Variants in EMP2 observed in about 807,000 individuals in gnomAD.
EMP2 encodes the protein epithelial membrane protein 2.
In EMP2, 19 loss-of-function variants were observed where a neutral mutation model predicts 13.7. The observed-to-expected ratio is 1.38, with a 90% CI of 0.97 to 2.03. EMP2 has a LOEUF of 2.03. EMP2 is among the 30% of genes most tolerant of loss of function. The pLI, the probability that EMP2 is intolerant of heterozygous loss-of-function variation, is 0.00. For synonymous variants in EMP2, 97 were observed against 84.7 expected (o/e 1.15, Z -0.80); for missense variants, 253 against 220.7 (o/e 1.15, Z -0.93).
chr16:10,552,321 C>G (rs2050794538), intron 1 of EMP2, among the ~76,000 whole-genome samples: 1 of 152,084 alleles, frequency 6.6e-6, no homozygotes, highest in Admixed American at 6.6e-5. Flanking sequence ...GTAACTAAAA[C>G]TTTCTAGAAA....
At chr16:10,541,608 C>T (rs1026809454) in intron 3 of EMP2, among the ~76,000 whole-genome samples, 2 of 152,188 alleles carry the variant, frequency 1.3e-5, no homozygotes, top group African/African-American at 4.8e-5. Flanking sequence ...GCCTTGCACA[C>T]TGGCGACAGC....
intron 1 of EMP2, among the ~76,000 whole-genome samples, chr16:10,551,489 C>A (rs1284312520): frequency 6.6e-6 from 1 of 152,212 alleles, no homozygotes; most frequent in Non-Finnish European, 1.5e-5. Flanking sequence ...TCACTGCAAC[C>A]TCTGCCTCCC....
chr16:10,568,785 T>TC (rs1392506225), intron 1 of EMP2, among the ~76,000 whole-genome samples: 7 of 121,228 alleles, frequency 5.8e-5, no homozygotes, highest in Non-Finnish European at 1.1e-4. Context: ...ATTTTCTTTT[T>TC]TTTTTTTTTT....
At chr16:10,554,078 C>A (rs902308983) in intron 1 of EMP2, among the ~76,000 whole-genome samples, 2 of 149,522 alleles carry the variant, frequency 1.3e-5, no homozygotes, top group South Asian at 2.1e-4. Context: ...GTCACCCAGG[C>A]TGGAGTGCAG....
rs559868479 is a variant in EMP2 at position 10,543,739 on chromosome 16, T to C, written c.79-79A>G. ...CTGACTGCTAATTAGGCACGAGGCATGGTGGGCTTCCAGGATTCTCAAACT... is the reference window on the plus strand; with the variant it reads ...CTGACTGCTAATTAGGCACGAGGCACGGTGGGCTTCCAGGATTCTCAAACT... On this transcript the variant is annotated intron_variant, in intron 2 of 4. Coordinates refer to ENST00000359543, the MANE Select transcript of EMP2 (RefSeq NM_001424.6). 3 of 1,378,834 alleles carry C rather than the reference T, an allele frequency of 2.2e-6. No homozygotes were observed. In the South Asian group the frequency reaches 3.5e-5, roughly 16 times the overall value. The allele number at this position is 1,378,834 out of a possible 1,614,324, so 85.4% of individuals were successfully genotyped here.
Position 10,547,274 on chromosome 16 carries a change from C to T in EMP2, c.78+266G>A, listed in dbSNP as rs868399897. The T allele has an allele frequency of 8.3e-5, 32 of 387,752 alleles. No individual in the cohort carries two copies. In the Middle Eastern group the frequency reaches 2.2e-3, roughly 27 times the overall value. The allele number at this position is 387,752 out of a possible 1,614,324, so 24.0% of individuals were successfully genotyped here. ...TTCTTGTGGTAGTGAATAAGTCTCA[C>T]GAGATCTGACGGTTTTATAAAGGGC... On this transcript the variant is annotated intron_variant, in intron 2 of 4. Transcript: ENST00000359543.
chr16:10,553,963 C>G lies in EMP2; in HGVS notation c.-60-6286G>C, dbSNP rs146385850. 6.6e-4 allele frequency among the ~76,000 whole-genome samples: 101 copies of G among 152,164 alleles called. 2 individuals are homozygous for G. The East Asian group carries it at 6.9e-3, about 10-fold the overall frequency. ...AACTTACTGCCATGTATACTGGACA[C>G]TGTTCATACTGTGTCAGCCCTGATC... On this transcript the variant is annotated intron_variant, in intron 1 of 4. Coordinates refer to ENST00000359543, the MANE Select transcript of EMP2 (RefSeq NM_001424.6).
intron 1 of EMP2, chr16:10,576,806 C>T (rs1184155086): frequency 6.6e-6 from 1 of 152,226 alleles, no homozygotes; most frequent in Non-Finnish European, 1.5e-5. Flanking sequence ...AGTGTCTCTG[C>T]ACGGGAAGGA....
chr16:10,537,867 CT>C (rs2050661183), intron 4 of EMP2, 60 bp downstream of exon 4: 1 of 1,587,436 alleles, frequency 6.3e-7, no homozygotes, highest in African/African-American at 1.3e-5. Flanking sequence ...CTCCTGGCGG[CT>C]GGGAAGGGAG....
At chr16:10,539,201 G>T (rs370541356) in intron 3 of EMP2, among the ~76,000 whole-genome samples, 1 of 152,064 alleles carries the variant, frequency 6.6e-6, no homozygotes, top group African/African-American at 2.4e-5. Context: ...AGGGGACAGC[G>T]TCCACGCTGC....
At chr16:10,564,137 G>A (rs561052604) in intron 1 of EMP2, among the ~76,000 whole-genome samples, 2 of 152,332 alleles carry the variant, frequency 1.3e-5, no homozygotes, top group South Asian at 4.1e-4. Flanking sequence ...TAGGAAAAGT[G>A]AGGCATCAGG....
At chr16:10,544,076 A>G (rs1398345744) in intron 2 of EMP2, 2 of 172,570 alleles carry the variant, frequency 1.2e-5, no homozygotes, top group African/African-American at 2.4e-5. Flanking sequence ...CTAGTCTTGA[A>G]CTCCTGACCT....
intron 3 of EMP2, among the ~76,000 whole-genome samples, chr16:10,538,599 C>G (rs958976905): frequency 2.0e-5 from 3 of 152,048 alleles, no homozygotes; most frequent in Non-Finnish European, 2.9e-5. Flanking sequence ...GAGGAAAGCT[C>G]CTTTCTTTTC....
rs2050576548 is a variant in EMP2, at chr16:10,528,990, G to T, written c.*3915C>A. 2 of 151,980 alleles carry T rather than the reference G, an allele frequency of 1.3e-5. No individual in the cohort carries two copies. Among genetic ancestry groups the T allele is most frequent in the Non-Finnish European group, 2.9e-5 (2 of 68,030 alleles). 9.4% of individuals were successfully genotyped at this position (151,980 alleles called of 1,614,324 possible). ...AAACTATAGCAGAGTGTGTGGGAGTGAATAGGTCTCCGATGTTCCTGTATT... is the reference window on the plus strand; with the variant it reads ...AAACTATAGCAGAGTGTGTGGGAGTTAATAGGTCTCCGATGTTCCTGTATT... On this transcript the variant is annotated 3_prime_UTR_variant, in exon 5 of 5. Transcript: ENST00000359543.
At chr16:10,563,548 T>G (rs17604131) in intron 1 of EMP2, among the ~76,000 whole-genome samples, 3,105 of 152,206 alleles carry the variant, frequency 0.02, 43 homozygotes, top group Non-Finnish European at 0.031. Context: ...GGATCTTTGC[T>G]GGCGAGTTAA....
At chr16:10,560,956 C>A (rs1198285318) in intron 1 of EMP2, among the ~76,000 whole-genome samples, 1 of 152,078 alleles carries the variant, frequency 6.6e-6, no homozygotes, top group African/African-American at 2.4e-5. Flanking sequence ...GCTGGGGAAG[C>A]TTTGTAAGCA....
chr16:10,568,202 C>A (rs2050922260), intron 1 of EMP2, among the ~76,000 whole-genome samples: 1 of 152,174 alleles, frequency 6.6e-6, no homozygotes, highest in Admixed American at 6.5e-5. Flanking sequence ...ACAGCCCCCA[C>A]CAATAGGTGC....
At chr16:10,549,748 C>CACAT (rs1166113016) in intron 1 of EMP2, among the ~76,000 whole-genome samples, 3 of 151,638 alleles carry the variant, frequency 2.0e-5, no homozygotes, top group Non-Finnish European at 4.4e-5. Flanking sequence ...CACACACACA[C>CACAT]ATACACTGTC....
chr16:10,579,974 C>A (rs1230724666), intron 1 of EMP2, among the ~76,000 whole-genome samples: 1 of 152,186 alleles, frequency 6.6e-6, no homozygotes, highest in East Asian at 1.9e-4. Flanking sequence ...CTCTTTAAAG[C>A]CCCCCAAGCC....
Sources: gnomAD v4.1 joint callset for allele counts (sites outside exome capture counted in the v4.1 genomes callset) on GRCh38, gnomAD v4.1.1 for gene constraint, MANE v1.5 for transcripts, NCBI Gene and HGNC (gene_info 2026-07-23, HGNC 2026-07-21) for gene names.